THRAP3: variants seen among roughly 807,000 people sequenced by gnomAD.
The protein encoded by THRAP3 is thyroid hormone receptor associated protein 3, also known as thyroid hormone receptor-associated protein 3.
Under a neutral mutation model 101.0 loss-of-function variants are expected in THRAP3, and 16 were observed. That is an observed-to-expected ratio of 0.16 (90% CI 0.11 to 0.24). The LOEUF (loss-of-function observed/expected upper bound fraction) is 0.24. Ranked by LOEUF, THRAP3 falls within the 10% of genes least tolerant of loss-of-function variation. The pLI is 1.00. For missense variants in THRAP3, 989 were observed against 1,202.7 expected, an observed-to-expected ratio of 0.82 and a Z score of 2.63; for synonymous variants, 407 against 422.6, an observed-to-expected ratio of 0.96 and a Z score of 0.45.
At chr1:36,252,807 TG>T (rs1645318971) in intron 1 of THRAP3, among the ~76,000 whole-genome samples, 1 of 151,400 alleles carries the variant, frequency 6.6e-6, no homozygotes. Flanking sequence ...CTTGCAAGGC[TG>T]AGGCACAAGA....
At position 36,304,953 on chromosome 1, in the gene THRAP3, C is replaced by G. The variant is rs148820898; in HGVS notation, c.*936C>G. 1.7e-3 allele frequency: 356 copies of G among 207,558 alleles called. 1 individual carries two copies. Among genetic ancestry groups the G allele is most frequent in the African/African-American group, 7.1e-3 (311 of 43,722 alleles). The allele number at this position is 207,558 out of a possible 1,614,324, so 12.9% of individuals were successfully genotyped here. ...TAAAATGAAAAGAAACTCCTATGAT[C>G]GATTAAGGAAGGTGGTTATGGCTGG... is the stretch of plus-strand genomic sequence containing the variant. On this transcript the variant is annotated 3_prime_UTR_variant, in exon 12 of 12. Coordinates refer to ENST00000354618, the MANE Select transcript of THRAP3 (RefSeq NM_005119.4).
the THRAP3 span, among the ~76,000 whole-genome samples, chr1:36,214,001 A>AG: frequency 6.3e-5 from 2 of 31,630 alleles, no homozygotes; most frequent in South Asian, 1.3e-3. Context: ...AAGAAAGGAA[A>AG]GAAAGAAAGA....
At chr1:36,261,354 A>G (rs1645443190) in intron 2 of THRAP3, among the ~76,000 whole-genome samples, 1 of 152,158 alleles carries the variant, frequency 6.6e-6, no homozygotes, top group Non-Finnish European at 1.5e-5. Context: ...AACACGGTGA[A>G]ACCCCATCTC....
rs760307075 is a variant in THRAP3, at chr1:36,289,134, T to C, written c.1115T>C (p.Ile372Thr). The change falls in exon 5 of 12, where the codon ATA becomes ACA. Residue 372 changes from isoleucine (I) to threonine (T), a missense_variant. Physicochemically the swap from Ile to Thr is moderately conservative, Grantham distance 89. Coordinates refer to ENST00000354618, the MANE Select transcript of THRAP3 (RefSeq NM_005119.4). Reference sequence around the variant, plus strand: ...CAAACAAATACCGATAAAGAAAAAATAAAAGAGAAAGGGAGCTTCTCTGAC... The same window carrying C: ...CAAACAAATACCGATAAAGAAAAAACAAAAGAGAAAGGGAGCTTCTCTGAC... Reference protein sequence around the residue: ...QKQTNTDKEKIKEKGSFSDTG... With the variant: ...QKQTNTDKEKTKEKGSFSDTG... 4 of 1,611,096 alleles carry C rather than the reference T, an allele frequency of 2.5e-6. No individual in the cohort carries two copies. Among genetic ancestry groups the C allele is most frequent in the Non-Finnish European group, 3.4e-6 (4 of 1,179,290 alleles).
chr1:36,232,908 T>C (rs1461982102), intron 1 of THRAP3, among the ~76,000 whole-genome samples: 17 of 118,540 alleles, frequency 1.4e-4, no homozygotes, highest in Non-Finnish European at 3.4e-4. Context: ...ACAGTCTCAC[T>C]CTGTTGCCCA....
chr1:36,280,379 G>C (rs1645715576), intron 2 of THRAP3, among the ~76,000 whole-genome samples: 1 of 152,184 alleles, frequency 6.6e-6, no homozygotes, highest in African/African-American at 2.4e-5. Context: ...AGAATAACAA[G>C]TAAACAAGAT....
upstream of THRAP3, among the ~76,000 whole-genome samples, chr1:36,221,387 C>A (rs1259037867): frequency 6.6e-6 from 1 of 151,368 alleles, no homozygotes; most frequent in Non-Finnish European, 1.5e-5. Context: ...GTCAACTTTT[C>A]ATTTTCTCAG....
chr1:36,251,487 A>C (rs549518010), intron 1 of THRAP3, among the ~76,000 whole-genome samples: 6 of 152,164 alleles, frequency 3.9e-5, no homozygotes, highest in African/African-American at 1.4e-4. Flanking sequence ...GCACAGAATG[A>C]TAGGGTTATT....
upstream of THRAP3, among the ~76,000 whole-genome samples, chr1:36,222,258 T>A (rs577117976): frequency 3.9e-5 from 6 of 152,258 alleles, no homozygotes; most frequent in East Asian, 1.2e-3. Flanking sequence ...ATAACACTAG[T>A]GCACACAATA....
At chr1:36,238,614 GTGA>G (rs1050040793) in intron 1 of THRAP3, among the ~76,000 whole-genome samples, 3 of 152,158 alleles carry the variant, frequency 2.0e-5, no homozygotes, top group Admixed American at 2.0e-4. Flanking sequence ...TACAGCTGTT[GTGA>G]TGATCTCATT....
intron 1 of THRAP3, among the ~76,000 whole-genome samples, chr1:36,246,861 T>C (rs997141797): frequency 6.6e-6 from 1 of 151,282 alleles, no homozygotes; most frequent in Non-Finnish European, 1.5e-5. Flanking sequence ...AATAAATAAA[T>C]AAATAAAATT....
chr1:36,236,232 A>T (rs1006350776), intron 1 of THRAP3, among the ~76,000 whole-genome samples: 1 of 126,506 alleles, frequency 7.9e-6, no homozygotes, highest in African/African-American at 2.7e-5. Flanking sequence ...AAGAAAAAAA[A>T]AAAAAAACCT....
At chr1:36,255,298 G>A (rs1237980487) in intron 1 of THRAP3, among the ~76,000 whole-genome samples, 1 of 152,094 alleles carries the variant, frequency 6.6e-6, no homozygotes, top group Non-Finnish European at 1.5e-5. Flanking sequence ...CACAAGAGTG[G>A]GCAAAGTGTT....
At chr1:36,267,981 A>G (rs71516394) in intron 2 of THRAP3, among the ~76,000 whole-genome samples, 162 of 9,926 alleles carry the variant, frequency 0.016, 62 homozygotes, top group East Asian at 0.13. Context: ...GGAGTTCAAG[A>G]CCAGCCTGGC....
At chr1:36,250,989 C>T (rs1229003079) in intron 1 of THRAP3, among the ~76,000 whole-genome samples, 2 of 151,956 alleles carry the variant, frequency 1.3e-5, no homozygotes, top group Admixed American at 6.6e-5. Context: ...TCAAGTGATC[C>T]GCCCACCTTG....
intron 1 of THRAP3, among the ~76,000 whole-genome samples, chr1:36,248,254 T>C (rs1384727145): frequency 1.3e-5 from 2 of 152,130 alleles, no homozygotes; most frequent in Non-Finnish European, 2.9e-5. Flanking sequence ...CCTCAGTTGT[T>C]AACTGGTCTG....
intron 1 of THRAP3, among the ~76,000 whole-genome samples, chr1:36,247,312 G>A (rs372139403): frequency 2.0e-5 from 3 of 151,474 alleles, no homozygotes; most frequent in South Asian, 2.1e-4. Context: ...GCGAGACTCC[G>A]TCTCAAAAAG....
In THRAP3 at chr1:36,289,393, T is replaced by G; in HGVS notation, c.1374T>G (p.Gly458=). ...CCAAATTTATGTCTAAAGTCATAGG[T>G]GCAAACAAAAACCAGGAGGAGGAGA... The part of the protein sequence containing the change: ...DEPKFMSKVI[G]ANKNQEEEKS... The change falls in exon 5 of 12, where the codon GGT becomes GGG. Residue 458 remains glycine (G), a synonymous_variant. Transcript: ENST00000354618. 2.5e-6 allele frequency: 4 copies of G among 1,613,982 alleles called. No individual in the cohort carries two copies. The highest frequency in any genetic ancestry group is 3.4e-6 in the Non-Finnish European group (4 of 1,180,014).
In THRAP3 at chr1:36,304,032, G is replaced by A. The variant is rs763228847; in HGVS notation, c.*15G>A. 40 of 1,496,698 alleles carry A rather than the reference G, an allele frequency of 2.7e-5. No individual in the cohort carries two copies. Among genetic ancestry groups the A allele is most frequent in the Admixed American group, 4.8e-5 (2 of 41,330 alleles). 92.7% of individuals were successfully genotyped at this position (1,496,698 alleles called of 1,614,324 possible). ...CAACCGAGTAGGGGCCACCCTTGACGGGATTCCTGCCCAGGGGAGAGAGGC... is the reference window on the plus strand; with the variant it reads ...CAACCGAGTAGGGGCCACCCTTGACAGGATTCCTGCCCAGGGGAGAGAGGC... On this transcript the variant is annotated 3_prime_UTR_variant, in exon 12 of 12. Transcript: ENST00000354618.
Sources: gnomAD v4.1 joint callset for allele counts (sites outside exome capture counted in the v4.1 genomes callset) on GRCh38, gnomAD v4.1.1 for gene constraint, MANE v1.5 for transcripts, NCBI Gene and HGNC (gene_info 2026-07-23, HGNC 2026-07-21) for gene names.